UNC80: variants seen among roughly 807,000 people sequenced by gnomAD.
UNC80 encodes unc-80 subunit of NALCN channel complex, also known as protein unc-80 homolog.
UNC80 carries 164 observed loss-of-function variants against 384.6 expected under a neutral mutation model. The ratio of observed to expected loss-of-function variants is 0.43; its 90% CI spans 0.38 to 0.49. The LOEUF (loss-of-function observed/expected upper bound fraction) is 0.49, where lower values mean the gene tolerates loss of function less well. UNC80 is among the 20% of genes least tolerant of loss of function. The pLI is 0.00. For synonymous variants in UNC80, 1,486 were observed against 1,527.8 expected (o/e 0.97, Z 0.64); for missense variants, 3,330 against 4,143.0 (o/e 0.80, Z 5.39).
chr2:209,839,154 T>C lies in UNC80; in HGVS notation c.3042-68T>C. 3 of 1,399,846 alleles carry C rather than the reference T, an allele frequency of 2.1e-6. No individual in the cohort carries two copies. Among genetic ancestry groups the C allele is most frequent in the Non-Finnish European group, 2.9e-6 (3 of 1,022,418 alleles). The allele number at this position is 1,399,846 out of a possible 1,614,324, so 86.7% of individuals were successfully genotyped here. ...TGCCTAAATATCATTGACAGGAAGA[T>C]GAAAGAAATTTAGGAGAATTTCTCA... On this transcript the variant is annotated intron_variant, in intron 18 of 64. Coordinates refer to ENST00000673920, the MANE Select transcript of UNC80 (RefSeq NM_001371986.1). This position sits in a 1 kb window ranked among gnomAD's most constrained non-coding sequence, Gnocchi z 4.1.
chr2:209,840,262 A>G (rs1574679736), intron 19 of UNC80, among the ~76,000 whole-genome samples: 1 of 152,200 alleles, frequency 6.6e-6, no homozygotes, highest in South Asian at 2.1e-4. Flanking sequence ...GAAGTATTTA[A>G]GAGGTAAAAT....
At chr2:209,897,354 G>A (rs765723815) in intron 28 of UNC80, among the ~76,000 whole-genome samples, 8 of 152,056 alleles carry the variant, frequency 5.3e-5, no homozygotes, top group East Asian at 1.9e-4. Context: ...CTTCCCTGAC[G>A]GTAACCACTG....
rs1575091905 is a variant in UNC80 at position 209,941,385 on chromosome 2, G to A, written c.6811G>A (p.Ala2271Thr). ...TCTGATCCTCCACCCGGAAGACAGT[G>A]CCCTGCTCAGGCAGTATGCTGCCAC... ...GALILHPEDS[A>T]LLRQYAATVI... The change falls in exon 44 of 65, where the codon GCC becomes ACC. Residue 2271 changes from alanine (A) to threonine (T), a missense_variant. By Grantham distance (58) the Ala-to-Thr change is moderately conservative. Coordinates refer to ENST00000673920, the MANE Select transcript of UNC80 (RefSeq NM_001371986.1). 3.9e-6 allele frequency: 6 copies of A among 1,551,338 alleles called. No individual in the cohort carries two copies. The highest frequency in any genetic ancestry group is 2.4e-5 in the East Asian group (1 of 40,894).
intron 33 of UNC80, 120 bp from the exon 34 acceptor site, chr2:209,921,380 G>T: frequency 2.0e-6 from 2 of 978,098 alleles, no homozygotes; most frequent in Non-Finnish European, 2.9e-6. Context: ...TGGATCATGG[G>T]TATCCTAACA....
Position 209,904,965 on chromosome 2 carries a change from A to G in UNC80, c.4782A>G (p.Glu1594=). The G allele has an allele frequency of 6.4e-7, 1 of 1,551,596 alleles. No individual in the cohort carries two copies. Among genetic ancestry groups the G allele is most frequent in the African/African-American group, 1.4e-5 (1 of 73,170 alleles). Residue 1594 remains glutamate (E), a splice_region_variant and synonymous_variant, in exon 29 of 65, where the codon GAA becomes GAG. Transcript: ENST00000673920. ...SVALRGKKQK[E]CSDKSCLRTP... is the part of the protein sequence containing the mutation. ...CTCTCCGGGGCAAGAAACAGAAAGA[A>G]GTAAGTAAATGACCATTGAATGATA... is the stretch of plus-strand genomic sequence containing the variant.
intron 46 of UNC80, among the ~76,000 whole-genome samples, chr2:209,945,562 C>G (rs2091875151): frequency 6.6e-6 from 1 of 151,896 alleles, no homozygotes; most frequent in Non-Finnish European, 1.5e-5. Context: ...AGGGTAAAGC[C>G]TCAACCTTAG....
At chr2:209,865,937 ATAT>A (rs1265524001) in intron 22 of UNC80, among the ~76,000 whole-genome samples, 19 of 152,274 alleles carry the variant, frequency 1.2e-4, no homozygotes, top group African/African-American at 4.1e-4. Context: ...CACTTCAAAG[ATAT>A]TATCTCATTC....
At chr2:209,963,434 G>T (rs936371838) in intron 51 of UNC80, among the ~76,000 whole-genome samples, 2 of 152,176 alleles carry the variant, frequency 1.3e-5, no homozygotes, top group Admixed American at 1.3e-4. Flanking sequence ...AATTTATTTT[G>T]TCACATGACC....
At position 209,973,095 on chromosome 2, in the gene UNC80, G is replaced by A. The variant is rs1257303897; in HGVS notation, c.8412G>A (p.Gln2804=). ...DSPWLEQPEV[Q]LLLQTVINVL... ...CATGGCTGGAGCAGCCTGAGGTGCA[G>A]CTGCTGCTGCAGACAGTCATCAATG... The change falls in exon 56 of 65, where the codon CAG becomes CAA. Residue 2804 remains glutamine (Q), a synonymous_variant. Coordinates refer to ENST00000673920, the MANE Select transcript of UNC80 (RefSeq NM_001371986.1). 5.8e-6 allele frequency: 9 copies of A among 1,551,488 alleles called. No individual in the cohort carries two copies. The highest frequency in any genetic ancestry group is 7.8e-6 in the Non-Finnish European group (9 of 1,147,006).
chr2:209,872,776 A>C lies in UNC80; in HGVS notation c.3646A>C (p.Arg1216=), dbSNP rs2084410925. 3.9e-6 allele frequency: 6 copies of C among 1,551,398 alleles called. No homozygotes were observed. Among genetic ancestry groups the C allele is most frequent in the African/African-American group, 1.4e-5 (1 of 73,050 alleles). The part of the protein sequence containing the change: ...ALDLEAPVVA[R]AALFLECARF... The stretch of plus-strand genomic sequence containing the variant: ...TACACAGGAAGCCCCTGTGGTGGCC[A>C]GAGCAGCCTTGTTCCTGGAATGTGC... Residue 1216 remains arginine (R), a synonymous_variant, in exon 23 of 65, where the codon AGA becomes CGA. Coordinates refer to ENST00000673920, the MANE Select transcript of UNC80 (RefSeq NM_001371986.1). This position sits in a 1 kb window ranked among gnomAD's most constrained non-coding sequence, Gnocchi z 4.1.
intron 28 of UNC80, among the ~76,000 whole-genome samples, chr2:209,901,884 G>A (rs184085259): frequency 3.3e-5 from 5 of 151,668 alleles, no homozygotes; most frequent in East Asian, 3.9e-4. Flanking sequence ...AGCCGAGATC[G>A]CGCCACTGCA....
intron 22 of UNC80, among the ~76,000 whole-genome samples, chr2:209,865,404 C>T (rs2083661972): frequency 6.6e-6 from 1 of 152,024 alleles, no homozygotes; most frequent in African/African-American, 2.4e-5. Context: ...AGATCGAGAC[C>T]ATCCTGGCTA....
At chr2:209,883,029 A>G (rs1356908336) in intron 25 of UNC80, among the ~76,000 whole-genome samples, 3 of 152,148 alleles carry the variant, frequency 2.0e-5, no homozygotes, top group Non-Finnish European at 4.4e-5. Context: ...TATTCATTAC[A>G]CTAGGATTTT....
chr2:209,801,436 G>T (rs2078546553), intron 7 of UNC80, among the ~76,000 whole-genome samples: 1 of 125,232 alleles, frequency 8.0e-6, no homozygotes, highest in African/African-American at 3.0e-5. Context: ...AGGCTGAAGT[G>T]CAGTGGCACA....
At chr2:209,830,784 C>T (rs546698862) in intron 15 of UNC80, among the ~76,000 whole-genome samples, 8 of 152,166 alleles carry the variant, frequency 5.3e-5, no homozygotes, top group South Asian at 2.1e-4. Context: ...CTTCCATTCA[C>T]GGGCATTTCA....
At chr2:209,873,085 G>A (rs2084443953) in intron 23 of UNC80, 115 bp downstream of exon 23, 2 of 954,074 alleles carry the variant, frequency 2.1e-6, no homozygotes, top group Non-Finnish European at 3.1e-6. Context: ...TATGTACCAG[G>A]TACTGAAGGA....
chr2:209,852,073 A>AT (rs2124843392), intron 22 of UNC80, among the ~76,000 whole-genome samples: 1 of 152,184 alleles, frequency 6.6e-6, no homozygotes, highest in African/African-American at 2.4e-5. Flanking sequence ...GTAAAGAGGC[A>AT]TTTTCTCATT....
At chr2:209,936,672 A>G (rs762592249) in intron 40 of UNC80, among the ~76,000 whole-genome samples, 172 bp from the exon 41 acceptor site, 2 of 144,234 alleles carry the variant, frequency 1.4e-5, no homozygotes, top group African/African-American at 5.5e-5. Flanking sequence ...GTGTATACAC[A>G]TATACACACA....
rs999024178 is a variant in UNC80 at position 209,875,178 on chromosome 2, C to G, written c.3840+2208C>G. 2.6e-5 allele frequency among the ~76,000 whole-genome samples: 4 copies of G among 152,328 alleles called. No individual in the cohort carries two copies. The South Asian group carries it at 6.2e-4, about 24-fold the overall frequency. On this transcript the variant is annotated intron_variant, in intron 23 of 64. Coordinates refer to ENST00000673920, the MANE Select transcript of UNC80 (RefSeq NM_001371986.1). ...CCTCATCTCCCAGCCTCCAGACTTGCACCCTCTAATTCATTCTCCAAACTG... is the reference window on the plus strand; with the variant it reads ...CCTCATCTCCCAGCCTCCAGACTTGGACCCTCTAATTCATTCTCCAAACTG...
Sources: allele counts gnomAD v4.1 joint callset (sites outside exome capture counted in the v4.1 genomes callset), GRCh38; gene constraint gnomAD v4.1.1; non-coding constraint Gnocchi (gnomAD v3.1); transcripts MANE v1.5; gene names NCBI Gene and HGNC (gene_info 2026-07-23, HGNC 2026-07-21).